ZNF160: variants seen among roughly 807,000 people sequenced by gnomAD.
ZNF160 encodes the protein KRAB zinc finger protein KR18.
A neutral mutation model predicts 13.1 loss-of-function variants in ZNF160; 9 were observed. The ratio of observed to expected loss-of-function variants is 0.69; its 90% CI spans 0.41 to 1.20. The LOEUF is 1.20. ZNF160 is among the 50% of genes most tolerant of loss of function. The probability of loss-of-function intolerance (pLI) is 0.01; values close to 1 mark genes in which losing one functional copy is unlikely to be tolerated. For synonymous variants in ZNF160, 293 were observed against 333.2 expected (o/e 0.88, Z 1.31); for missense variants, 838 against 988.0 (o/e 0.85, Z 2.04).
At chr19:53,091,889 T>C (rs1334541841) in intron 1 of ZNF160, among the ~76,000 whole-genome samples, 169 bp from the exon 2 acceptor site, 1 of 152,202 alleles carries the variant, frequency 6.6e-6, no homozygotes. Context: ...AGCGTCAACC[T>C]CGGTTCCAGA....
chr19:53,093,716 G>T (rs1328574907), intron 1 of ZNF160: 1 of 151,912 alleles, frequency 6.6e-6, no homozygotes, highest in Non-Finnish European at 1.5e-5. Context: ...GCTGAAGTGA[G>T]TGTGAGATTG....
At chr19:53,083,141 T>C (rs1355632556) in intron 3 of ZNF160, among the ~76,000 whole-genome samples, 3 of 152,188 alleles carry the variant, frequency 2.0e-5, no homozygotes, top group Admixed American at 1.3e-4. Flanking sequence ...CTCTGAACCA[T>C]GTGCTTTTGT....
rs1356682725 is a variant in ZNF160, at chr19:53,086,338, G to A, written c.-45-17C>T. On this transcript the variant is annotated splice_polypyrimidine_tract_variant and intron_variant, in intron 2 of 5. Transcript: ENST00000683776. Reference sequence around the variant, plus strand: ...GACTTCTTCCTTGGGTAACATAAAAGAGTCTTTAGAAGTCAATACTGAATA... The same window carrying A: ...GACTTCTTCCTTGGGTAACATAAAAAAGTCTTTAGAAGTCAATACTGAATA... 3.2e-6 allele frequency: 5 copies of A among 1,548,878 alleles called. No individual in the cohort carries two copies. In the South Asian group the frequency reaches 5.0e-5, roughly 16 times the overall value.
intron 3 of ZNF160, chr19:53,077,312 G>A (rs745513195): frequency 6.6e-6 from 1 of 152,172 alleles, no homozygotes; most frequent in Non-Finnish European, 1.5e-5. Flanking sequence ...TTCCCTGAAG[G>A]AAGCCAGAAT....
At position 53,086,333 on chromosome 19, in the gene ZNF160, T is replaced by A; in HGVS notation, c.-45-12A>T. The A allele has an allele frequency of 6.4e-7, 1 of 1,554,036 alleles. No homozygotes were observed. Among genetic ancestry groups the A allele is most frequent in the African/African-American group, 1.4e-5 (1 of 72,670 alleles). ...TTCCAGACTTCTTCCTTGGGTAACATAAAAGAGTCTTTAGAAGTCAATACT... is the reference window on the plus strand; with the variant it reads ...TTCCAGACTTCTTCCTTGGGTAACAAAAAAGAGTCTTTAGAAGTCAATACT... On this transcript the variant is annotated splice_polypyrimidine_tract_variant and intron_variant, in intron 2 of 5. Transcript: ENST00000683776.
At chr19:53,075,608 T>A (rs2084358102) in intron 3 of ZNF160, 1 of 375,280 alleles carries the variant, frequency 2.7e-6, no homozygotes, top group Non-Finnish European at 5.3e-6. Context: ...GGGGCCTCCA[T>A]GAAAACTCAA....
At chr19:53,096,256 A>G (rs985117579) in intron 1 of ZNF160, among the ~76,000 whole-genome samples, 7 of 152,228 alleles carry the variant, frequency 4.6e-5, no homozygotes, top group Non-Finnish European at 8.8e-5. Flanking sequence ...ATGAAATATT[A>G]GGCCATTTTT....
rs761942842 is a variant in ZNF160 at position 53,068,963 on chromosome 19, A to G, written c.1571T>C (p.Leu524Pro). The change falls in exon 6 of 6, where the codon CTG (leucine) becomes CCG (proline). Residue 524 changes from leucine (L) to proline (P), a missense_variant. Leu to Pro is a moderately conservative substitution (Grantham distance 98). Coordinates refer to ENST00000683776, the MANE Select transcript of ZNF160 (RefSeq NM_001322131.2). ...CGKAFSVRSS[L>P]TTHQAIHSGE... ...AGAATGGATTGCCTGATGGGTAGTC[A>G]GACTTGAACGAACACTGAAGGCTTT... 1 of 1,614,024 alleles carries G rather than the reference A, an allele frequency of 6.2e-7. No individual in the cohort carries two copies.
rs934959998 is a variant in ZNF160, at chr19:53,103,357, T to C, written c.-446A>G. 6.6e-6 allele frequency: 1 copy of C among 151,784 alleles called. No homozygotes were observed. The highest frequency in any genetic ancestry group is 2.4e-5 in the African/African-American group (1 of 41,226). The allele number at this position is 151,784 out of a possible 1,614,324, so 9.4% of individuals were successfully genotyped here. ...GGGGGACGGCGAGGCGCAGGTTGAG[T>C]CTACACAGAGGAACACTCATACGCC... is the stretch of plus-strand genomic sequence containing the variant. On this transcript the variant is annotated 5_prime_UTR_variant, in exon 1 of 6. Transcript: ENST00000683776.
At chr19:53,071,044 A>G (rs1471940960) in intron 5 of ZNF160, among the ~76,000 whole-genome samples, 1 of 151,862 alleles carries the variant, frequency 6.6e-6, no homozygotes, top group Non-Finnish European at 1.5e-5. Flanking sequence ...AAAAATACAA[A>G]AATTAGTCAG....
chr19:53,074,937 T>C, intron 4 of ZNF160, 120 bp downstream of exon 4: 1 of 1,348,654 alleles, frequency 7.4e-7, no homozygotes, highest in South Asian at 1.2e-5. Context: ...GCTTTCCATT[T>C]CAGAGTCAAC....
intron 3 of ZNF160, 87 bp downstream of exon 3, chr19:53,086,175 G>A (rs2084823056): frequency 6.9e-6 from 10 of 1,439,570 alleles, no homozygotes; most frequent in South Asian, 2.5e-5. Flanking sequence ...CAGGCAGGAC[G>A]CTTCAGACTC....
At chr19:53,083,972 C>A (rs2084733038) in intron 3 of ZNF160, among the ~76,000 whole-genome samples, 1 of 152,154 alleles carries the variant, frequency 6.6e-6, no homozygotes, top group African/African-American at 2.4e-5. Context: ...TCCTACTTAG[C>A]CCTTTAGAAA....
rs2084096146 is a variant in ZNF160 at position 53,069,785 on chromosome 19, G to C, written c.749C>G (p.Ala250Gly). The C allele has an allele frequency of 1.2e-6, 2 of 1,614,146 alleles. No individual in the cohort carries two copies. The highest frequency in any genetic ancestry group is 1.7e-6 in the Non-Finnish European group (2 of 1,180,018). The change falls in exon 6 of 6, where the codon GCA becomes GGA. Residue 250 changes from alanine to glycine, a missense_variant. Ala to Gly is a moderately conservative substitution (Grantham distance 60). Transcript: ENST00000683776. The surrounding 1 kb of genome is among the most constrained non-coding windows in gnomAD (Gnocchi z 4.4). The part of the protein sequence containing the change: ...HFSLLTQRRK[A>G]NSCGKPYKCN... The stretch of plus-strand genomic sequence containing the variant: ...TTTATAAGGTTTTCCACAACTGTTT[G>C]CTTTTCGTCTTTGTGTGAGTAATGA...
At chr19:53,072,792 G>A (rs1413320895) in intron 5 of ZNF160, 17 of 260,350 alleles carry the variant, frequency 6.5e-5, no homozygotes, top group Admixed American at 1.3e-4. Flanking sequence ...CAGAAGTTGC[G>A]GTGAGCCGAG....
intron 2 of ZNF160, 95 bp from the exon 3 acceptor site, chr19:53,086,416 C>G (rs1600872859): frequency 9.4e-7 from 1 of 1,063,682 alleles, no homozygotes; most frequent in East Asian, 2.5e-5. Context: ...TCATGTGCCA[C>G]AGTCACACGC....
chr19:53,086,448 G>T lies in ZNF160; in HGVS notation c.-45-127C>A, dbSNP rs1473723813. 9 of 727,794 alleles carry T rather than the reference G, an allele frequency of 1.2e-5. No individual in the cohort carries two copies. The East Asian group carries it at 2.7e-4, about 21-fold the overall frequency. 45.1% of individuals were successfully genotyped at this position (727,794 alleles called of 1,614,324 possible). ...ACGCACAGATCTCACCCTGTGGAAA[G>T]ATGGTCCTCTGCGCCCCACTGCACC... On this transcript the variant is annotated intron_variant, in intron 2 of 5. Transcript: ENST00000683776.
rs765806086 is a variant in ZNF160, at chr19:53,068,288, G to T, written c.2246C>A (p.Ala749Glu). ...CCCAGTATGAATTCTTCGGTGATTT[G>T]CCAGGTGAGCATTTTGAGTAAAGAC... ...GKVFTQNAHL[A>E]NHRRIHTGEK... is the part of the protein sequence containing the mutation. The change falls in exon 6 of 6, where the codon GCA becomes GAA. Residue 749 changes from alanine (A) to glutamate (E), a missense_variant. Coordinates refer to ENST00000683776, the MANE Select transcript of ZNF160 (RefSeq NM_001322131.2). 6.2e-7 allele frequency: 1 copy of T among 1,614,018 alleles called. No individual in the cohort carries two copies. The highest frequency in any genetic ancestry group is 1.1e-5 in the South Asian group (1 of 91,066).
At chr19:53,093,155 C>T (rs1341313172) in intron 1 of ZNF160, among the ~76,000 whole-genome samples, 1 of 152,128 alleles carries the variant, frequency 6.6e-6, no homozygotes, top group African/African-American at 2.4e-5. Flanking sequence ...ATATTTCTGG[C>T]CGGGCACGGT....
Sources: gnomAD v4.1 joint callset for allele counts (sites outside exome capture counted in the v4.1 genomes callset) on GRCh38, gnomAD v4.1.1 for gene constraint, Gnocchi (gnomAD v3.1) non-coding constraint, MANE v1.5 for transcripts, NCBI Gene and HGNC (gene_info 2026-07-23, HGNC 2026-07-21) for gene names.